IL1RAPL1: variants seen among roughly 807,000 people sequenced by gnomAD.
IL1RAPL1 encodes the protein interleukin-1 receptor accessory protein-like 1.
IL1RAPL1 carries 3 observed loss-of-function variants against 48.4 expected under a neutral mutation model. The observed-to-expected ratio is 0.06, with a 90% CI of 0.03 to 0.16. The LOEUF (loss-of-function observed/expected upper bound fraction) is 0.16, where lower values mean the gene tolerates loss of function less well. Among genes scored for constraint, IL1RAPL1 ranks in the 10% least tolerant of loss-of-function variants. The pLI, the probability that IL1RAPL1 is intolerant of heterozygous loss-of-function variation, is 1.00. For synonymous variants in IL1RAPL1, 185 were observed against 187.7 expected (o/e 0.99, Z 0.12); for missense variants, 349 against 530.6 (o/e 0.66, Z 3.36).
At chrX:29,290,386 C>T (rs948307405) in intron 3 of IL1RAPL1, among the ~76,000 whole-genome samples, 9 of 111,938 alleles carry the variant, frequency 8.0e-5, no homozygotes, top group Non-Finnish European at 1.5e-4. Flanking sequence ...TCTCACTATC[C>T]TGTCTGCTCC....
chrX:28,816,519 T>G (rs188848764), intron 2 of IL1RAPL1, among the ~76,000 whole-genome samples: 1 of 111,243 alleles, frequency 9.0e-6, no homozygotes, highest in East Asian at 2.8e-4. Flanking sequence ...GTTCCTGTGT[T>G]ATTTTGCTTA....
At chrX:29,597,405 G>A (rs1480560392) in intron 5 of IL1RAPL1, among the ~76,000 whole-genome samples, 3 of 110,826 alleles carry the variant, frequency 2.7e-5, no homozygotes, top group Non-Finnish European at 3.8e-5. Context: ...CACCCGCCTC[G>A]GCCTCTCAAA....
At chrX:28,788,244 C>T (rs1936493481) in intron 1 of IL1RAPL1, among the ~76,000 whole-genome samples, 1 of 111,567 alleles carries the variant, frequency 9.0e-6, no homozygotes, top group South Asian at 3.7e-4. Flanking sequence ...TATCAAAACA[C>T]ACTGTACATT....
intron 3 of IL1RAPL1, among the ~76,000 whole-genome samples, chrX:29,319,443 A>G (rs1358656081): frequency 3.2e-5 from 3 of 92,898 alleles, no homozygotes; most frequent in Admixed American, 2.6e-4. Flanking sequence ...GGCTTAAGCA[A>G]TCCTCCTACC....
chrX:29,176,776 A>T (rs1277726562), intron 2 of IL1RAPL1, among the ~76,000 whole-genome samples: 1 of 110,550 alleles, frequency 9.0e-6, no homozygotes, highest in African/African-American at 3.3e-5. Context: ...TTTCTGCTGT[A>T]TTGTGCCCCC....
rs760308839 is a variant in IL1RAPL1, at chrX:29,870,901, TACC to T, written c.779-46560_779-46558del. On this transcript the variant is annotated intron_variant, in intron 6 of 10. Transcript: ENST00000378993. ...GATTTCTATTGCTGCTGTAATAAAT[TACC>T]ACAAGTTTAGTGGCCTAAAACAACA... Among the ~76,000 whole-genome samples, 401 of 112,418 alleles carry T rather than the reference TACC, an allele frequency of 3.6e-3. 1 individual carries two copies. Among genetic ancestry groups the T allele is most frequent in the Non-Finnish European group, 5.0e-3 (264 of 53,320 alleles).
At chrX:28,866,977 A>G (rs1922092873) in intron 2 of IL1RAPL1, among the ~76,000 whole-genome samples, 1 of 112,011 alleles carries the variant, frequency 8.9e-6, no homozygotes, top group Non-Finnish European at 1.9e-5. Flanking sequence ...TCATCTGAGA[A>G]TAAGAAGGAG....
chrX:29,746,007 C>A (rs1452466412), intron 6 of IL1RAPL1, among the ~76,000 whole-genome samples: 1 of 111,408 alleles, frequency 9.0e-6, no homozygotes, highest in Non-Finnish European at 1.9e-5. Context: ...TTTTAGACAT[C>A]AAAATTCCTA....
At chrX:29,124,291 G>A (rs1377098881) in intron 2 of IL1RAPL1, among the ~76,000 whole-genome samples, 1 of 112,212 alleles carries the variant, frequency 8.9e-6, no homozygotes, top group Non-Finnish European at 1.9e-5. Context: ...AGGTACTAGA[G>A]CTCTATGTAT....
intron 5 of IL1RAPL1, among the ~76,000 whole-genome samples, chrX:29,650,200 C>T (rs535712438): frequency 8.9e-6 from 1 of 111,796 alleles, no homozygotes; most frequent in African/African-American, 3.2e-5. Flanking sequence ...GTCCATACTA[C>T]TCAAAGTGAT....
intron 2 of IL1RAPL1, among the ~76,000 whole-genome samples, chrX:29,239,969 T>G (rs1204620565): frequency 9.3e-6 from 1 of 107,924 alleles, no homozygotes; most frequent in East Asian, 2.9e-4. Flanking sequence ...GCTTCCTTCT[T>G]CCACTTAAGG....
At chrX:29,941,854 TTTTA>T (rs1416339349) in intron 9 of IL1RAPL1, 60 bp downstream of exon 9, 1 of 1,098,543 alleles carries the variant, frequency 9.1e-7, no homozygotes. Context: ...CTTGTCTTTG[TTTTA>T]TTAAGGGGAA....
intron 3 of IL1RAPL1, among the ~76,000 whole-genome samples, chrX:29,342,937 C>T (rs991028853): frequency 7.2e-5 from 8 of 111,534 alleles, no homozygotes; most frequent in African/African-American, 2.0e-4. Context: ...CGAATGAAGC[C>T]GTTTTCTTTT....
At chrX:29,465,499 T>C (rs1393607989) in intron 5 of IL1RAPL1, among the ~76,000 whole-genome samples, 2 of 112,014 alleles carry the variant, frequency 1.8e-5, no homozygotes, top group African/African-American at 3.2e-5. Flanking sequence ...CATGAGAATA[T>C]GCCAAGTTGA....
intron 2 of IL1RAPL1, among the ~76,000 whole-genome samples, chrX:29,047,875 C>T (rs1420217850): frequency 9.0e-6 from 1 of 110,706 alleles, no homozygotes; most frequent in Non-Finnish European, 1.9e-5. Flanking sequence ...TAAAGTTTTC[C>T]TCATTAACTG....
intron 6 of IL1RAPL1, among the ~76,000 whole-genome samples, chrX:29,856,712 C>A (rs1057032475): frequency 2.7e-5 from 3 of 111,442 alleles, no homozygotes; most frequent in African/African-American, 6.5e-5. Context: ...CTCGACTATA[C>A]CTAAAGGGTT....
At chrX:29,952,565 G>A (rs916396935) in intron 9 of IL1RAPL1, among the ~76,000 whole-genome samples, 4 of 112,035 alleles carry the variant, frequency 3.6e-5, no homozygotes, top group African/African-American at 1.3e-4. Context: ...CCGATATTAT[G>A]TACTGACTTT....
At chrX:29,187,073 G>A (rs1930266320) in intron 2 of IL1RAPL1, among the ~76,000 whole-genome samples, 1 of 111,192 alleles carries the variant, frequency 9.0e-6, no homozygotes, top group South Asian at 3.8e-4. Flanking sequence ...ATCTACCTAT[G>A]TAACAAACCT....
chrX:28,714,422 TGGAA>T (rs899486886), intron 1 of IL1RAPL1, among the ~76,000 whole-genome samples: 11 of 111,903 alleles, frequency 9.8e-5, no homozygotes, highest in Admixed American at 7.6e-4. Flanking sequence ...TACAATTTAA[TGGAA>T]GGAAGGAAGG....
Sources: allele counts gnomAD v4.1 joint callset (sites outside exome capture counted in the v4.1 genomes callset), GRCh38; gene constraint gnomAD v4.1.1; transcripts MANE v1.5; gene names NCBI Gene and HGNC (gene_info 2026-07-23, HGNC 2026-07-21).